PYGO1: variants seen among roughly 807,000 people sequenced by gnomAD.
PYGO1 encodes the protein pygopus homolog 1.
PYGO1 carries 6 observed loss-of-function variants against 29.5 expected under a neutral mutation model. The ratio of observed to expected loss-of-function variants is 0.20; its 90% CI spans 0.11 to 0.40. PYGO1 has a LOEUF of 0.40. PYGO1 is among the 10% of genes least tolerant of loss of function. The pLI is 1.00. For synonymous variants in PYGO1, 186 were observed against 180.5 expected (o/e 1.03, Z -0.24); for missense variants, 515 against 514.9 (o/e 1.00, Z 0.00).
intron 1 of PYGO1, among the ~76,000 whole-genome samples, chr15:55,563,828 G>A (rs1440662724): frequency 6.6e-6 from 1 of 152,176 alleles, no homozygotes; most frequent in Non-Finnish European, 1.5e-5. Flanking sequence ...CTCAGCACCA[G>A]TAGTCGTTAT....
chr15:55,549,857 C>T (rs1341618619), intron 1 of PYGO1, among the ~76,000 whole-genome samples: 1 of 152,040 alleles, frequency 6.6e-6, no homozygotes, highest in African/African-American at 2.4e-5. Flanking sequence ...TGAAATTAAC[C>T]CCATATGCCT....
At chr15:55,588,630 C>A (rs2059061076), upstream of PYGO1, among the ~76,000 whole-genome samples, 2 of 150,586 alleles carry the variant, frequency 1.3e-5, no homozygotes, top group South Asian at 4.1e-4. Flanking sequence ...CTAGGGGCCG[C>A]CCCGCCCCGC....
chr15:55,565,725 A>C (rs1384649395), intron 1 of PYGO1, among the ~76,000 whole-genome samples: 2 of 152,042 alleles, frequency 1.3e-5, no homozygotes, highest in Admixed American at 6.5e-5. Context: ...CCCAAAAAAA[A>C]ACAAAAACAA....
chr15:55,578,786 C>T (rs891861084), intron 1 of PYGO1, among the ~76,000 whole-genome samples: 24 of 152,150 alleles, frequency 1.6e-4, no homozygotes, highest in African/African-American at 5.8e-4. Context: ...TTTCTTCCAT[C>T]GTGCGGGTTG....
chr15:55,546,328 T>C lies in PYGO1; in HGVS notation c.955A>G (p.Thr319Ala), dbSNP rs760986457. ...QPRGAADACT[T>A]EKSNKSSLHP... ...AGAGAGGATTTATTGCTTTTTTCTG[T>C]GGTGCAGGCATCTGCTGCACCTCTT... Residue 319 changes from threonine to alanine, a missense_variant, in exon 3 of 3, where the codon ACA (threonine) becomes GCA (alanine). Transcript: ENST00000563719. 2.2e-5 allele frequency: 35 copies of C among 1,614,234 alleles called. No homozygotes were observed. The South Asian group carries it at 3.8e-4, about 18-fold the overall frequency.
In PYGO1 at chr15:55,544,214, T is replaced by A. The variant is rs1194627963; in HGVS notation, c.*1809A>T. 6.6e-6 allele frequency: 1 copy of A among 152,110 alleles called. No homozygotes were observed. Among genetic ancestry groups the A allele is most frequent in the East Asian group, 1.9e-4 (1 of 5,198 alleles). 9.4% of individuals were successfully genotyped at this position (152,110 alleles called of 1,614,324 possible). ...TAGGTCAAAATTAAAACAATGTATT[T>A]AAAAAAATAAGTTTTATTCAATCAA... is the stretch of plus-strand genomic sequence containing the variant. On this transcript the variant is annotated 3_prime_UTR_variant, in exon 3 of 3. Transcript: ENST00000563719.
In PYGO1 at chr15:55,585,491, T is replaced by A. The variant is rs113923912; in HGVS notation, c.49+2344A>T. 4.9e-3 allele frequency among the ~76,000 whole-genome samples: 752 copies of A among 152,300 alleles called. 8 individuals are homozygous for A. The highest frequency in any genetic ancestry group is 0.017 in the African/African-American group (692 of 41,572). On this transcript the variant is annotated intron_variant, in intron 1 of 2. Coordinates refer to ENST00000563719, the MANE Select transcript of PYGO1 (RefSeq NM_001367806.1). ...GCTAATCATAAAATATTCCAAAAAA[T>A]TTTTTAATGAATGTTCTAATTATTA... is the stretch of plus-strand genomic sequence containing the variant.
intron 1 of PYGO1, among the ~76,000 whole-genome samples, chr15:55,557,886 A>C (rs1451569227): frequency 2.0e-5 from 3 of 152,218 alleles, no homozygotes; most frequent in Non-Finnish European, 2.9e-5. Flanking sequence ...AGCCAATATC[A>C]TACTGAATGG....
chr15:55,581,900 C>A (rs2059026315), intron 1 of PYGO1, among the ~76,000 whole-genome samples: 1 of 152,022 alleles, frequency 6.6e-6, no homozygotes, highest in African/African-American at 2.4e-5. Context: ...GTCAAGAAGT[C>A]AATGGGTTCA....
chr15:55,567,482 T>C (rs1331905247), intron 1 of PYGO1, among the ~76,000 whole-genome samples: 3 of 152,112 alleles, frequency 2.0e-5, no homozygotes, highest in Non-Finnish European at 4.4e-5. Context: ...TGTTCAATGG[T>C]TTAAATTCCT....
chr15:55,563,721 C>T (rs946089566), intron 1 of PYGO1, among the ~76,000 whole-genome samples: 6 of 152,038 alleles, frequency 3.9e-5, no homozygotes, highest in African/African-American at 7.2e-5. Flanking sequence ...ACACTGTACC[C>T]GACGTGTAGT....
At chr15:55,588,500 C>G (rs1445939130), upstream of PYGO1, among the ~76,000 whole-genome samples, 1 of 147,232 alleles carries the variant, frequency 6.8e-6, no homozygotes, top group Non-Finnish European at 1.5e-5. Flanking sequence ...CGGCGCCTCC[C>G]GCCACCGCCG....
At chr15:55,575,414 T>A (rs957590441) in intron 1 of PYGO1, among the ~76,000 whole-genome samples, 3 of 152,180 alleles carry the variant, frequency 2.0e-5, no homozygotes, top group African/African-American at 4.8e-5. Flanking sequence ...AATACTGTAG[T>A]CAGTACTTTT....
chr15:55,569,544 T>C (rs1454691004), intron 1 of PYGO1, among the ~76,000 whole-genome samples: 1 of 152,224 alleles, frequency 6.6e-6, no homozygotes, highest in Non-Finnish European at 1.5e-5. Flanking sequence ...TACCCAGATG[T>C]CATTTCATTA....
chr15:55,553,731 C>A (rs1174596927), intron 1 of PYGO1, among the ~76,000 whole-genome samples: 3 of 152,100 alleles, frequency 2.0e-5, no homozygotes, highest in Non-Finnish European at 2.9e-5. Flanking sequence ...GGTGAAACCT[C>A]TGAACCGGGG....
At chr15:55,581,817 G>A (rs2059025945) in intron 1 of PYGO1, among the ~76,000 whole-genome samples, 1 of 14,090 alleles carries the variant, frequency 7.1e-5, no homozygotes, top group Non-Finnish European at 2.6e-4. Context: ...GGGAGGCCAT[G>A]AAACCAATAG....
chr15:55,580,624 C>T (rs753564691), intron 1 of PYGO1, among the ~76,000 whole-genome samples: 2 of 152,160 alleles, frequency 1.3e-5, no homozygotes, highest in Non-Finnish European at 2.9e-5. Flanking sequence ...AGTAACTTGC[C>T]AAGGACCATA....
chr15:55,573,524 G>A (rs2058988739), intron 1 of PYGO1, among the ~76,000 whole-genome samples: 1 of 152,112 alleles, frequency 6.6e-6, no homozygotes, highest in South Asian at 2.1e-4. Context: ...GTATCTCAGA[G>A]AGTTATGTGC....
At chr15:55,571,390 G>A (rs375790068) in intron 1 of PYGO1, among the ~76,000 whole-genome samples, 2 of 152,162 alleles carry the variant, frequency 1.3e-5, no homozygotes, top group East Asian at 1.9e-4. Flanking sequence ...AAGTGAAATT[G>A]TTGGAGAGTT....
Sources: gnomAD v4.1 joint callset for allele counts (sites outside exome capture counted in the v4.1 genomes callset) on GRCh38, gnomAD v4.1.1 for gene constraint, MANE v1.5 for transcripts, NCBI Gene and HGNC (gene_info 2026-07-23, HGNC 2026-07-21) for gene names.